The following M6PR variants were observed in gnomAD, a reference collection of about 807,000 sequenced individuals.
The protein encoded by M6PR is mannose-6-phosphate receptor, cation dependent.
Under a neutral mutation model 33.1 loss-of-function variants are expected in M6PR, and 19 were observed. The observed-to-expected ratio is 0.57, with a 90% CI of 0.40 to 0.84. The LOEUF is 0.84. Among genes scored for constraint, M6PR ranks in the 40% least tolerant of loss-of-function variants. The pLI, the probability that M6PR is intolerant of heterozygous loss-of-function variation, is 0.00. For synonymous variants in M6PR, 111 were observed against 123.4 expected, an observed-to-expected ratio of 0.90 and a Z score of 0.67; for missense variants, 295 against 336.0, an observed-to-expected ratio of 0.88 and a Z score of 0.95.
Position 8,940,929 on chromosome 12 carries a change from G to GAAAT in M6PR, c.*885_*888dup, listed in dbSNP as rs1945991487. ...CTGTGGAGAAAGTGCGACATGTTTAGAAATACTGGTAGGGAACCAGGAGTA... is the reference window on the plus strand; with the variant it reads ...CTGTGGAGAAAGTGCGACATGTTTAGAAATAAATACTGGTAGGGAACCAGGAGTA... On this transcript the variant is annotated 3_prime_UTR_variant, in exon 7 of 7. Transcript: ENST00000000412. 1 of 49,942 alleles carries GAAAT rather than the reference G, an allele frequency of 2.0e-5. No individual in the cohort carries two copies. Among genetic ancestry groups the GAAAT allele is most frequent in the Non-Finnish European group, 3.8e-5 (1 of 26,470 alleles). The allele number at this position is 49,942 out of a possible 1,614,324, so 3.1% of individuals were successfully genotyped here.
Position 8,942,497 on chromosome 12 carries a change from G to C in M6PR, c.630C>G (p.Tyr210Ter). ...VAVYVVGGFL[Y>*]QRLVVGAKGM... ...CTTTGGCTCCCACTACCAGTCGCTG[G>C]TATAGGAACCCCCCAACAACATAAA... Residue 210 changes from tyrosine (Y) to a stop codon, truncating the protein, a stop_gained, in exon 6 of 7, where the codon TAC (tyrosine) becomes TAG (stop). Transcript: ENST00000000412. LOFTEE classifies it high-confidence loss of function. 6.2e-7 allele frequency: 1 copy of C among 1,614,172 alleles called. No homozygotes were observed. Among genetic ancestry groups the C allele is most frequent in the Non-Finnish European group, 8.5e-7 (1 of 1,180,036 alleles).
intron 3 of M6PR, among the ~76,000 whole-genome samples, chr12:8,944,425 T>G (rs926643409): frequency 3.3e-5 from 5 of 152,226 alleles, no homozygotes; most frequent in African/African-American, 1.2e-4. Context: ...AAGATTCTGC[T>G]CCTAGTTTTG....
At chr12:8,946,574 C>G in intron 1 of M6PR, 169 bp from the exon 2 acceptor site, 4 of 523,682 alleles carry the variant, frequency 7.6e-6, no homozygotes. Context: ...GTAACAAGAG[C>G]ATCTGCAGCA....
chr12:8,941,487 A>G lies in M6PR; in HGVS notation c.*331T>C, dbSNP rs1481579268. 4.7e-6 allele frequency: 1 copy of G among 212,724 alleles called. No individual in the cohort carries two copies. The highest frequency in any genetic ancestry group is 9.4e-6 in the Non-Finnish European group (1 of 106,572). 13.2% of individuals were successfully genotyped at this position (212,724 alleles called of 1,614,324 possible). On this transcript the variant is annotated 3_prime_UTR_variant, in exon 7 of 7. Coordinates refer to ENST00000000412, the MANE Select transcript of M6PR (RefSeq NM_002355.4). The stretch of plus-strand genomic sequence containing the variant: ...CAAAAACTTGTGAAAATGTGTTTAA[A>G]AAACAAACGGCCAGTGAGCCTGCTA...
intron 6 of M6PR, 49 bp from the exon 7 acceptor site, chr12:8,941,989 G>C (rs1946018347): frequency 6.2e-7 from 1 of 1,604,170 alleles, no homozygotes; most frequent in Non-Finnish European, 8.5e-7. Flanking sequence ...TCTAACTTTA[G>C]GATATGAGAA....
chr12:8,944,328 G>A (rs1398033202), intron 3 of M6PR, among the ~76,000 whole-genome samples: 5 of 152,122 alleles, frequency 3.3e-5, no homozygotes, highest in Non-Finnish European at 7.3e-5. Context: ...TCTAAGATTG[G>A]AATGCATATC....
chr12:8,945,681 C>T, intron 2 of M6PR, 97 bp from the exon 3 acceptor site: 1 of 943,444 alleles, frequency 1.1e-6, no homozygotes, highest in Non-Finnish European at 1.6e-6. Flanking sequence ...AAACAAACAA[C>T]ATGCTCGATT....
chr12:8,946,132 T>C (rs1946089684), intron 2 of M6PR, 97 bp downstream of exon 2: 1 of 1,246,426 alleles, frequency 8.0e-7, no homozygotes, highest in Middle Eastern at 2.0e-4. Flanking sequence ...ATTTGCTCTA[T>C]GTCATAAAAG....
chr12:8,947,209 A>G (rs746892852), intron 1 of M6PR, among the ~76,000 whole-genome samples: 2 of 152,282 alleles, frequency 1.3e-5, no homozygotes, highest in East Asian at 3.9e-4. Flanking sequence ...TGGTTTGAAT[A>G]TTCTTTAAAG....
chr12:8,946,087 A>G, intron 2 of M6PR, 142 bp downstream of exon 2: 1 of 743,304 alleles, frequency 1.3e-6, no homozygotes, highest in Non-Finnish European at 2.1e-6. Context: ...GAAAGATGAG[A>G]AAACTGCACA....
Position 8,949,644 on chromosome 12 carries a change from C to T in M6PR, c.-158G>A, listed in dbSNP as rs1052116382. ...CCCTAGCGCCTCGCTGTGCCCCACT[C>T]TGGGAACCGGAAACAGGAAGCGCCA... On this transcript the variant is annotated 5_prime_UTR_variant, in exon 1 of 7. Transcript: ENST00000000412. This position sits in a 1 kb window ranked among gnomAD's most constrained non-coding sequence, Gnocchi z 5.6. 2 of 152,226 alleles carry T rather than the reference C, an allele frequency of 1.3e-5. No homozygotes were observed. The highest frequency in any genetic ancestry group is 4.8e-5 in the African/African-American group (2 of 41,416). The allele number at this position is 152,226 out of a possible 1,614,324, so 9.4% of individuals were successfully genotyped here.
chr12:8,944,038 G>A (rs1039339136), intron 3 of M6PR, 128 bp from the exon 4 acceptor site: 4 of 670,572 alleles, frequency 6.0e-6, no homozygotes, highest in East Asian at 2.7e-5. Context: ...TCATCAGTAC[G>A]AACTTGGTAT....
intron 1 of M6PR, among the ~76,000 whole-genome samples, chr12:8,948,328 C>A (rs1422060949): frequency 3.9e-5 from 6 of 152,138 alleles, no homozygotes; most frequent in Non-Finnish European, 8.8e-5. Context: ...CTTCACAACC[C>A]AGAAAATAGG....
At chr12:8,943,642 A>G in intron 4 of M6PR, 107 bp from the exon 5 acceptor site, 1 of 1,474,992 alleles carries the variant, frequency 6.8e-7, no homozygotes, top group Non-Finnish European at 9.5e-7. Flanking sequence ...TCAGCAGCCT[A>G]TTTTCCATGG....
Position 8,943,863 on chromosome 12 carries a change from G to A in M6PR, c.391C>T (p.His131Tyr). 1 of 1,613,794 alleles carries A rather than the reference G, an allele frequency of 6.2e-7. No individual in the cohort carries two copies. The highest frequency in any genetic ancestry group is 8.5e-7 in the Non-Finnish European group (1 of 1,180,006). Residue 131 changes from histidine (H) to tyrosine (Y), a missense_variant, in exon 4 of 7, where the codon CAC becomes TAC. Transcript: ENST00000000412. ...GCACGACGCTGCTCCTTGCCACAGT[G>A]GTTGTCATATTCATCACCCCCTTTA... Reference protein sequence around the residue: ...IYKGGDEYDNHCGKEQRRAVV... With the variant: ...IYKGGDEYDNYCGKEQRRAVV...
chr12:8,943,629 G>T (rs753381514), intron 4 of M6PR, 94 bp from the exon 5 acceptor site: 8 of 1,514,408 alleles, frequency 5.3e-6, no homozygotes, highest in Non-Finnish European at 7.3e-6. Context: ...GCTCCTTCCT[G>T]GTTCAGCAGC....
intron 3 of M6PR, 44 bp from the exon 4 acceptor site, chr12:8,943,954 G>T: frequency 1.5e-6 from 2 of 1,298,028 alleles, no homozygotes; most frequent in Non-Finnish European, 2.2e-6. Flanking sequence ...TGGGGGAAAA[G>T]CAGAGGCAGA....
At position 8,943,896 on chromosome 12, in the gene M6PR, G is replaced by A; in HGVS notation, c.358C>T (p.Leu120=). The part of the protein sequence containing the change: ...HIFNGSNWIM[L]IYKGGDEYDN... ...TATTCATCACCCCCTTTATAGATCA[G>A]CATGATCCAATTACCTGAGGAGGGA... The change falls in exon 4 of 7, where the codon CTG becomes TTG. Residue 120 remains leucine, a synonymous_variant. Coordinates refer to ENST00000000412, the MANE Select transcript of M6PR (RefSeq NM_002355.4). 1 of 1,612,734 alleles carries A rather than the reference G, an allele frequency of 6.2e-7. No individual in the cohort carries two copies. Among genetic ancestry groups the A allele is most frequent in the Non-Finnish European group, 8.5e-7 (1 of 1,178,952 alleles).
chr12:8,945,356 T>A lies in M6PR; in HGVS notation c.343+62A>T, dbSNP rs1209967344. The A allele has an allele frequency of 9.6e-6, 15 of 1,569,474 alleles. No individual in the cohort carries two copies. In the East Asian group the frequency reaches 3.1e-4, roughly 33 times the overall value. ...TAGAAACGGCCAAGACATACAGGAT[T>A]GTCAGAGGGATTGACTTGGGATCAG... On this transcript the variant is annotated intron_variant, in intron 3 of 6. Transcript: ENST00000000412.
Sources: allele counts gnomAD v4.1 joint callset (sites outside exome capture counted in the v4.1 genomes callset), GRCh38; gene constraint gnomAD v4.1.1; non-coding constraint Gnocchi (gnomAD v3.1); transcripts MANE v1.5; gene names NCBI Gene and HGNC (gene_info 2026-07-23, HGNC 2026-07-21).